The following ZMYM6 variants were observed in gnomAD, a reference collection of about 807,000 sequenced individuals.
ZMYM6 encodes the protein zinc finger MYM-type containing 6, also known as zinc finger MYM-type protein 6.
ZMYM6 carries 90 observed loss-of-function variants against 134.0 expected under a neutral mutation model. The observed-to-expected ratio is 0.67, with a 90% CI of 0.57 to 0.80. The LOEUF is 0.80. Among genes scored for constraint, ZMYM6 ranks in the 30% least tolerant of loss-of-function variants. ZMYM6 has a pLI of 0.00. For synonymous variants in ZMYM6, 481 were observed against 524.1 expected, an observed-to-expected ratio of 0.92 and a Z score of 1.12; for missense variants, 1,362 against 1,533.9, an observed-to-expected ratio of 0.89 and a Z score of 1.87.
At chr1:35,014,665 C>A in intron 6 of ZMYM6, 32 bp downstream of exon 6, 1 of 1,597,808 alleles carries the variant, frequency 6.3e-7, no homozygotes, top group Non-Finnish European at 8.5e-7. Context: ...AAGGAGTGGG[C>A]CTAAGTACAT....
In ZMYM6 at chr1:34,987,209, C is replaced by T; in HGVS notation, c.3873G>A (p.Leu1291=). Residue 1291 remains leucine, a synonymous_variant, in exon 16 of 16, where the codon TTG becomes TTA. Transcript: ENST00000357182. The part of the protein sequence containing the change: ...VYLCDAAFSA[L]TESKQKNLLG... ...ACAGATTTTTTTGTTTTGACTCAGT[C>T]AAAGCTGAAAAGGCAGCATCACATA... 1 of 1,613,568 alleles carries T rather than the reference C, an allele frequency of 6.2e-7. No homozygotes were observed. The highest frequency in any genetic ancestry group is 8.5e-7 in the Non-Finnish European group (1 of 1,179,860).
intron 2 of ZMYM6, among the ~76,000 whole-genome samples, chr1:35,024,770 G>A (rs1641376505): frequency 6.6e-6 from 1 of 151,982 alleles, no homozygotes; most frequent in South Asian, 2.1e-4. Context: ...TACCTGCTAT[G>A]TGAAACCTTC....
At chr1:35,020,318 C>A in intron 3 of ZMYM6, 65 bp downstream of exon 3, 5 of 1,405,542 alleles carry the variant, frequency 3.6e-6, no homozygotes, top group East Asian at 2.3e-5. Flanking sequence ...AGATGCTTTC[C>A]CTCAATTTTA....
chr1:35,004,814 T>C (rs1047029423), intron 13 of ZMYM6, among the ~76,000 whole-genome samples: 1 of 151,884 alleles, frequency 6.6e-6, no homozygotes, highest in South Asian at 2.1e-4. Context: ...TCCCAGCTAT[T>C]TGGGAGGCCG....
At chr1:35,028,316 T>TA (rs1557591548) in intron 2 of ZMYM6, among the ~76,000 whole-genome samples, 109 of 135,736 alleles carry the variant, frequency 8.0e-4, no homozygotes, top group African/African-American at 2.9e-3. Flanking sequence ...AGACTCCATC[T>TA]CAAAAAAAAA....
intron 2 of ZMYM6, among the ~76,000 whole-genome samples, chr1:35,026,784 G>GA (rs1641422249): frequency 6.6e-6 from 1 of 152,184 alleles, no homozygotes; most frequent in African/African-American, 2.4e-5. Flanking sequence ...CCTTATATGT[G>GA]AAAGAGGCTC....
chr1:34,990,854 A>G (rs1557556318), intron 15 of ZMYM6, among the ~76,000 whole-genome samples: 1 of 134,588 alleles, frequency 7.4e-6, no homozygotes, highest in South Asian at 2.1e-4. Flanking sequence ...CGATTGTTAG[A>G]AAACATTCGA....
chr1:35,009,807 G>A (rs757263453), intron 10 of ZMYM6, among the ~76,000 whole-genome samples: 5 of 151,880 alleles, frequency 3.3e-5, no homozygotes, highest in Non-Finnish European at 7.4e-5. Flanking sequence ...ATGGTGGCAC[G>A]CTCCTGTAGC....
At chr1:34,989,080 A>G (rs1481940576) in intron 15 of ZMYM6, 145 bp from the exon 16 acceptor site, 5 of 1,445,156 alleles carry the variant, frequency 3.5e-6, no homozygotes, top group Non-Finnish European at 1.8e-6. Context: ...AGCACAAGTC[A>G]TAATACTTCC....
intron 6 of ZMYM6, among the ~76,000 whole-genome samples, chr1:35,014,482 T>C (rs1346005423): frequency 6.6e-6 from 1 of 152,184 alleles, no homozygotes; most frequent in Non-Finnish European, 1.5e-5. Context: ...TTCTTAGCTA[T>C]GAAGGGAGCC....
chr1:35,007,608 C>T (rs1641008596), intron 11 of ZMYM6, among the ~76,000 whole-genome samples: 1 of 151,352 alleles, frequency 6.6e-6, no homozygotes, highest in Non-Finnish European at 1.5e-5. Context: ...AAAAAAAATG[C>T]TCTTCTGTTT....
chr1:35,004,361 C>T (rs1640928465), intron 13 of ZMYM6, among the ~76,000 whole-genome samples: 1 of 152,248 alleles, frequency 6.6e-6, no homozygotes, highest in African/African-American at 2.4e-5. Context: ...GTGTGGTGGC[C>T]TGTAATCCCA....
intron 3 of ZMYM6, 110 bp downstream of exon 3, chr1:35,020,273 C>A: frequency 4.1e-6 from 4 of 965,336 alleles, no homozygotes; most frequent in East Asian, 2.6e-5. Flanking sequence ...TTTGAAAAAA[C>A]ACAGCTCTAA....
chr1:35,029,960 T>A (rs746677616), intron 2 of ZMYM6, among the ~76,000 whole-genome samples: 1 of 152,186 alleles, frequency 6.6e-6, no homozygotes, highest in Non-Finnish European at 1.5e-5. Context: ...CTAAGCTGAC[T>A]TTGCTCAATC....
At chr1:35,022,725 T>C (rs1641332606) in intron 2 of ZMYM6, among the ~76,000 whole-genome samples, 1 of 151,962 alleles carries the variant, frequency 6.6e-6, no homozygotes, top group Non-Finnish European at 1.5e-5. Flanking sequence ...TAGTAAATCA[T>C]TTCATTGCTT....
At chr1:35,009,224 G>C (rs937851688) in intron 10 of ZMYM6, among the ~76,000 whole-genome samples, 1 of 152,102 alleles carries the variant, frequency 6.6e-6, no homozygotes, top group Admixed American at 6.6e-5. Context: ...TCAGCCTCCT[G>C]AGTAGAGCAG....
At chr1:35,015,506 A>G (rs893301463) in intron 4 of ZMYM6, among the ~76,000 whole-genome samples, 1 of 151,748 alleles carries the variant, frequency 6.6e-6, no homozygotes, top group East Asian at 1.9e-4. Context: ...TGGGCGGATC[A>G]TGAGGTCAGG....
intron 2 of ZMYM6, among the ~76,000 whole-genome samples, chr1:35,024,339 G>A (rs1208251567): frequency 6.6e-6 from 1 of 152,072 alleles, no homozygotes; most frequent in Non-Finnish European, 1.5e-5. Context: ...ATTTTATCTG[G>A]AAGCCCTACA....
intron 14 of ZMYM6, among the ~76,000 whole-genome samples, chr1:34,993,481 T>G (rs554322780): frequency 6.6e-6 from 1 of 152,282 alleles, no homozygotes; most frequent in South Asian, 2.1e-4. Context: ...TACATTTGAC[T>G]ACCTCAAAAT....
Sources: gnomAD v4.1 joint callset for allele counts (sites outside exome capture counted in the v4.1 genomes callset) on GRCh38, gnomAD v4.1.1 for gene constraint, MANE v1.5 for transcripts, NCBI Gene and HGNC (gene_info 2026-07-23, HGNC 2026-07-21) for gene names.